Variants in CCDC39 observed in about 807,000 individuals in gnomAD.
CCDC39 encodes coiled-coil domain-containing protein 39.
Under a neutral mutation model 121.0 loss-of-function variants are expected in CCDC39, and 113 were observed. The ratio of observed to expected loss-of-function variants is 0.93; its 90% CI spans 0.80 to 1.09. CCDC39 has a LOEUF of 1.09. CCDC39 is among the 50% of genes least tolerant of loss of function. CCDC39 has a pLI of 0.00. For synonymous variants in CCDC39, 349 were observed against 352.2 expected, an observed-to-expected ratio of 0.99 and a Z score of 0.10; for missense variants, 1,063 against 1,074.7, an observed-to-expected ratio of 0.99 and a Z score of 0.15.
intron 13 of CCDC39, among the ~76,000 whole-genome samples, chr3:180,632,727 A>G (rs73185990): frequency 0.015 from 2,236 of 152,106 alleles, 30 homozygotes; most frequent in Non-Finnish European, 0.019. Context: ...AGATTAACGG[A>G]AAAAAAATAG....
chr3:180,663,632 T>C (rs1711797932), intron 2 of CCDC39, among the ~76,000 whole-genome samples: 1 of 150,652 alleles, frequency 6.6e-6, no homozygotes, highest in South Asian at 2.1e-4. Flanking sequence ...ATCACGCCAC[T>C]GTACTCCAGC....
At chr3:180,647,983 GA>G (rs1001213877) in intron 10 of CCDC39, among the ~76,000 whole-genome samples, 181 bp downstream of exon 10, 3 of 151,902 alleles carry the variant, frequency 2.0e-5, no homozygotes, top group Admixed American at 6.6e-5. Flanking sequence ...AGATTGAGGG[GA>G]AAAAATAGTT....
chr3:180,665,629 T>C (rs866916598), intron 1 of CCDC39, among the ~76,000 whole-genome samples: 29 of 152,120 alleles, frequency 1.9e-4, no homozygotes, highest in African/African-American at 6.7e-4. Context: ...TTTGTCTTAA[T>C]GATTGAATTA....
intron 6 of CCDC39, among the ~76,000 whole-genome samples, chr3:180,656,580 G>C (rs1209622489): frequency 6.6e-6 from 1 of 152,098 alleles, no homozygotes; most frequent in Non-Finnish European, 1.5e-5. Flanking sequence ...TCTTGAAGAG[G>C]AGCAGCGTTA....
At chr3:180,668,074 C>T (rs1418759055) in intron 1 of CCDC39, among the ~76,000 whole-genome samples, 1 of 152,122 alleles carries the variant, frequency 6.6e-6, no homozygotes, top group Non-Finnish European at 1.5e-5. Context: ...CATGGCAACA[C>T]CCAGAAGTTA....
intron 14 of CCDC39, among the ~76,000 whole-genome samples, chr3:180,630,737 C>T (rs1466125624): frequency 1.1e-4 from 16 of 152,068 alleles, no homozygotes; most frequent in Admixed American, 8.5e-4. Flanking sequence ...ATGAATTTCC[C>T]CTTTGGGTTA....
intron 13 of CCDC39, among the ~76,000 whole-genome samples, chr3:180,640,063 T>C (rs1028675740): frequency 6.6e-6 from 1 of 151,946 alleles, no homozygotes; most frequent in Non-Finnish European, 1.5e-5. Flanking sequence ...GAGAGAAACA[T>C]GGGGGAAGGA....
intron 15 of CCDC39, 101 bp downstream of exon 15, chr3:180,619,710 A>T: frequency 1.4e-6 from 1 of 721,130 alleles, no homozygotes; most frequent in African/African-American, 1.8e-5. Flanking sequence ...GACCCAATCT[A>T]ACATAGTTTG....
rs768972161 is a variant in CCDC39, at chr3:180,661,883, A to G, written c.335T>C (p.Leu112Pro). The G allele has an allele frequency of 6.3e-7, 1 of 1,586,186 alleles. No individual in the cohort carries two copies. The highest frequency in any genetic ancestry group is 1.3e-5 in the African/African-American group (1 of 74,586). The change falls in exon 3 of 20, where the codon CTG (leucine) becomes CCG (proline). Residue 112 changes from leucine (L) to proline (P), a missense_variant. Physicochemically the swap from Leu to Pro is moderately conservative, Grantham distance 98. Coordinates refer to ENST00000476379, the MANE Select transcript of CCDC39 (RefSeq NM_181426.2). ...QRLENEMASILEKKSDKENGI... is the reference protein window; with the variant it reads ...QRLENEMASIPEKKSDKENGI... The stretch of plus-strand genomic sequence containing the variant: ...TACTTCTTTATCACTTTTCTTTTCC[A>G]GTATTGAAGCCATCTCATTTTCCAG...
intron 1 of CCDC39, among the ~76,000 whole-genome samples, chr3:180,676,074 A>T (rs1477313865): frequency 1.3e-5 from 2 of 152,198 alleles, no homozygotes; most frequent in Non-Finnish European, 2.9e-5. Flanking sequence ...CATTCAGGAC[A>T]TAGGCATGGG....
In CCDC39 at chr3:180,679,439, A is replaced by G; in HGVS notation, c.-59T>C. 1.3e-6 allele frequency: 2 copies of G among 1,488,530 alleles called. No homozygotes were observed. The highest frequency in any genetic ancestry group is 2.3e-5 in the South Asian group (2 of 88,728). The allele number at this position is 1,488,530 out of a possible 1,614,324, so 92.2% of individuals were successfully genotyped here. A position where few individuals can be genotyped will look rare whatever the true frequency, so the allele number is the denominator to read the frequency against. ...GATCCGCCTTCTTGTACAGCGGGTGAGCAGCACCCGCGTCAAGCCCAGGCA... is the reference window on the plus strand; with the variant it reads ...GATCCGCCTTCTTGTACAGCGGGTGGGCAGCACCCGCGTCAAGCCCAGGCA... On this transcript the variant is annotated 5_prime_UTR_variant, in exon 1 of 20. Transcript: ENST00000476379. This position sits in a 1 kb window ranked among gnomAD's most constrained non-coding sequence, Gnocchi z 4.0.
chr3:180,618,631 C>T lies in CCDC39; in HGVS notation c.2265+628G>A, dbSNP rs560600286. Among the ~76,000 whole-genome samples, 24 of 152,184 alleles carry T rather than the reference C, an allele frequency of 1.6e-4. No individual in the cohort carries two copies. In the South Asian group the frequency reaches 1.9e-3, roughly 12 times the overall value. On this transcript the variant is annotated intron_variant, in intron 16 of 19. Transcript: ENST00000476379. The stretch of plus-strand genomic sequence containing the variant: ...GTCCACGTGTTCTCACTGTTCAATT[C>T]CCACCTACGAGTGAGAATATGAGGT...
chr3:180,617,597 A>C, intron 16 of CCDC39: 1 of 422,222 alleles, frequency 2.4e-6, no homozygotes, highest in Non-Finnish European at 4.2e-6. Context: ...TATGTGTCTT[A>C]GTTTTTAACA....
At chr3:180,670,617 T>C (rs1195791964) in intron 1 of CCDC39, among the ~76,000 whole-genome samples, 6 of 151,374 alleles carry the variant, frequency 4.0e-5, no homozygotes, top group Admixed American at 1.3e-4. Flanking sequence ...ATATGTAAAG[T>C]ACCACAGTGC....
chr3:180,640,621 A>G (rs1263440322), intron 13 of CCDC39, among the ~76,000 whole-genome samples: 2 of 152,088 alleles, frequency 1.3e-5, no homozygotes, highest in East Asian at 3.9e-4. Flanking sequence ...AAATACTACA[A>G]CTATTAACTA....
intron 14 of CCDC39, among the ~76,000 whole-genome samples, chr3:180,626,529 G>A (rs1462856737): frequency 1.3e-5 from 2 of 152,116 alleles, no homozygotes; most frequent in African/African-American, 4.8e-5. Context: ...CAGCCATAGT[G>A]GGACAGCAGG....
Position 180,660,522 on chromosome 3 carries a change from AC to A in CCDC39, c.516+47del, listed in dbSNP as rs751642588. 6 of 1,463,612 alleles carry A rather than the reference AC, an allele frequency of 4.1e-6. No individual in the cohort carries two copies. The African/African-American group carries it at 8.4e-5, about 21-fold the overall frequency. 90.7% of individuals were successfully genotyped at this position (1,463,612 alleles called of 1,614,324 possible). A position where few individuals can be genotyped will look rare whatever the true frequency, so the allele number is the denominator to read the frequency against. ...TAACTTTAGGTAAATAGGTTGACAT[AC>A]TACAGAGTTAGAGAAAACCTAACAG... On this transcript the variant is annotated intron_variant, in intron 4 of 19. Transcript: ENST00000476379.
chr3:180,619,487 G>A, intron 15 of CCDC39, 122 bp from the exon 16 acceptor site: 1 of 642,888 alleles, frequency 1.6e-6, no homozygotes, highest in Non-Finnish European at 2.7e-6. Flanking sequence ...ATATCCACTT[G>A]TAGAAAAACA....
chr3:180,667,054 A>C (rs1430332778), intron 1 of CCDC39, among the ~76,000 whole-genome samples: 1 of 152,208 alleles, frequency 6.6e-6, no homozygotes, highest in African/African-American at 2.4e-5. Context: ...TTTTTAAAAA[A>C]GGTAAACTAC....
Sources: allele counts gnomAD v4.1 joint callset (sites outside exome capture counted in the v4.1 genomes callset), GRCh38; gene constraint gnomAD v4.1.1; non-coding constraint Gnocchi (gnomAD v3.1); transcripts MANE v1.5; gene names NCBI Gene and HGNC (gene_info 2026-07-23, HGNC 2026-07-21).